Variants in CRNKL1 observed in about 807,000 individuals in gnomAD.
The protein encoded by CRNKL1 is crooked neck-like protein 1.
CRNKL1 carries 35 observed loss-of-function variants against 103.7 expected under a neutral mutation model. That is an observed-to-expected ratio of 0.34 (90% CI 0.26 to 0.45). The LOEUF is 0.45. Ranked by LOEUF, CRNKL1 falls within the 20% of genes least tolerant of loss-of-function variation. The pLI, the probability that CRNKL1 is intolerant of heterozygous loss-of-function variation, is 1.00. For synonymous variants in CRNKL1, 267 were observed against 282.6 expected (o/e 0.94, Z 0.55); for missense variants, 645 against 836.0 (o/e 0.77, Z 2.82).
At position 20,035,168 on chromosome 20, in the gene CRNKL1, G is replaced by T. The variant is rs528716844; in HGVS notation, c.*1027C>A. On this transcript the variant is annotated 3_prime_UTR_variant, in exon 14 of 14. Coordinates refer to ENST00000536226, the MANE Select transcript of CRNKL1 (RefSeq NM_001278628.2). Reference sequence around the variant, plus strand: ...GTAAGTTTAACATGTCAGCAGTGAGGAGTAGACATTTTCTACTATAGCACA... The same window carrying T: ...GTAAGTTTAACATGTCAGCAGTGAGTAGTAGACATTTTCTACTATAGCACA... 6.6e-6 allele frequency: 1 copy of T among 152,284 alleles called. No individual in the cohort carries two copies. Among genetic ancestry groups the T allele is most frequent in the African/African-American group, 2.4e-5 (1 of 41,550 alleles). 9.4% of individuals were successfully genotyped at this position (152,284 alleles called of 1,614,324 possible).
intron 7 of CRNKL1, 45 bp from the exon 8 acceptor site, chr20:20,042,561 C>T (rs137935048): frequency 6.5e-7 from 1 of 1,544,266 alleles, no homozygotes; most frequent in African/African-American, 1.4e-5. Context: ...AAACCAAGAG[C>T]TGCACTTGCC....
At chr20:20,054,014 T>TTTTGTTTTTG (rs1568778934), upstream of CRNKL1, among the ~76,000 whole-genome samples, 5 of 133,104 alleles carry the variant, frequency 3.8e-5, no homozygotes, top group African/African-American at 1.2e-4. Context: ...TTTTTGTTTG[T>TTTTGTTTTTG]TTTTTTTTTT....
upstream of CRNKL1, chr20:20,052,593 TG>T: frequency 6.2e-7 from 1 of 1,613,774 alleles, no homozygotes; most frequent in Non-Finnish European, 8.5e-7. Flanking sequence ...GCGGATGAGG[TG>T]GGTAACGCCG....
At chr20:20,054,013 G>GTTTTTTTTTTTTTTTT (rs1239349657), upstream of CRNKL1, among the ~76,000 whole-genome samples, 10 of 59,032 alleles carry the variant, frequency 1.7e-4, no homozygotes, top group Non-Finnish European at 2.5e-4. Context: ...TTTTTTGTTT[G>GTTTTTTTTTTTTTTTT]TTTTTTTTTT....
Position 20,036,291 on chromosome 20 carries a change from T to C in CRNKL1, c.1968A>G (p.Lys656=). Residue 656 remains lysine, a synonymous_variant, in exon 14 of 14, where the codon AAA becomes AAG. Transcript: ENST00000536226. The stretch of plus-strand genomic sequence containing the variant: ...TCCACAGTTTGGCCATGGCCAGGAG[T>C]TTGAGGTTAGGTTGGTTGGCAGCAT... ...PEDAANQPNL[K]LLAMAKLWKK... is the part of the protein sequence containing the mutation. 1 of 1,614,118 alleles carries C rather than the reference T, an allele frequency of 6.2e-7. No homozygotes were observed. Among genetic ancestry groups the C allele is most frequent in the East Asian group, 2.2e-5 (1 of 44,874 alleles).
In CRNKL1 at chr20:20,037,332, A is replaced by G. The variant is rs2146480856; in HGVS notation, c.1887T>C (p.Thr629=). 6.2e-7 allele frequency: 1 copy of G among 1,613,678 alleles called. No homozygotes were observed. Among genetic ancestry groups the G allele is most frequent in the Non-Finnish European group, 8.5e-7 (1 of 1,179,932 alleles). The change falls in exon 13 of 14, where the codon ACT becomes ACC. Residue 629 remains threonine (T), a synonymous_variant. Transcript: ENST00000536226. The part of the protein sequence containing the change: ...EKVKKRRKVQ[T]DDGSDAGWEE... Reference sequence around the variant, plus strand: ...AGGGCAGAGTTCTTACCCCATCATCAGTCTGGACCTTTCTTCTCTTCTTGA... The same window carrying G: ...AGGGCAGAGTTCTTACCCCATCATCGGTCTGGACCTTTCTTCTCTTCTTGA...
chr20:20,040,264 A>T (rs2043490458), intron 10 of CRNKL1, among the ~76,000 whole-genome samples: 1 of 151,510 alleles, frequency 6.6e-6, no homozygotes, highest in South Asian at 2.1e-4. Flanking sequence ...GTGAGCCAAG[A>T]TCGCGCTACT....
chr20:20,054,013 GTTTTTTTTT>G (rs1239349657), upstream of CRNKL1, among the ~76,000 whole-genome samples: 1 of 59,108 alleles, frequency 1.7e-5, no homozygotes, highest in Non-Finnish European at 3.5e-5. Flanking sequence ...TTTTTTGTTT[GTTTTTTTTT>G]TTTTTTTTTT....
chr20:20,046,098 T>A (rs925669134), intron 5 of CRNKL1, among the ~76,000 whole-genome samples: 1 of 152,148 alleles, frequency 6.6e-6, no homozygotes, highest in African/African-American at 2.4e-5. Flanking sequence ...CTTGAATAAA[T>A]CATTAATTTC....
In CRNKL1 at chr20:20,034,521, A is replaced by AT. The variant is rs1285135405; in HGVS notation, c.*1673dup. On this transcript the variant is annotated 3_prime_UTR_variant, in exon 14 of 14. Transcript: ENST00000536226. ...AATTCTACCTTGGGAACATGACAGA[A>AT]TTTTTTTCTTATGCATTCATGCAAC... 1 of 149,512 alleles carries AT rather than the reference A, an allele frequency of 6.7e-6. No homozygotes were observed. The highest frequency in any genetic ancestry group is 1.5e-5 in the Non-Finnish European group (1 of 66,982). 9.3% of individuals were successfully genotyped at this position (149,512 alleles called of 1,614,324 possible).
chr20:20,053,106 A>G (rs973233103), upstream of CRNKL1, among the ~76,000 whole-genome samples: 14 of 152,326 alleles, frequency 9.2e-5, no homozygotes, highest in African/African-American at 2.4e-4. Context: ...CTTAGCCTCA[A>G]TGTCCTCAAC....
At chr20:20,052,579 A>T (rs2273056), upstream of CRNKL1, 81,112 of 1,613,814 alleles carry the variant, frequency 0.05, 2,381 homozygotes, top group East Asian at 0.12. Flanking sequence ...GGCGTCCTGG[A>T]GCTGCGGATG....
rs75638907 is a variant in CRNKL1 at position 20,034,605 on chromosome 20, T to TTCA, written c.*1587_*1589dup. On this transcript the variant is annotated 3_prime_UTR_variant, in exon 14 of 14. Coordinates refer to ENST00000536226, the MANE Select transcript of CRNKL1 (RefSeq NM_001278628.2). ...GTCACTTGCATTCTGACCTATTATT[T>TTCA]TCATCTCTCCCTGACTCTGGGTGAG... is the stretch of plus-strand genomic sequence containing the variant. 2.0e-5 allele frequency: 3 copies of TTCA among 152,166 alleles called. No homozygotes were observed. The highest frequency in any genetic ancestry group is 6.5e-5 in the Admixed American group (1 of 15,274). The allele number at this position is 152,166 out of a possible 1,614,324, so 9.4% of individuals were successfully genotyped here.
intron 12 of CRNKL1, among the ~76,000 whole-genome samples, chr20:20,038,100 T>C (rs952919643): frequency 4.7e-5 from 7 of 148,688 alleles, no homozygotes; most frequent in Non-Finnish European, 1.0e-4. Flanking sequence ...AAAAAAAAAA[T>C]AGTTTAACTT....
chr20:20,036,029 C>T lies in CRNKL1; in HGVS notation c.*166G>A. On this transcript the variant is annotated 3_prime_UTR_variant, in exon 14 of 14. Transcript: ENST00000536226. ...TAAAAAAGTCCTTTACTTGCAATCC[C>T]TACCCCTAGCTAACCCAAGAGCATT... The T allele has an allele frequency of 4.3e-6, 3 of 703,110 alleles. No homozygotes were observed. Among genetic ancestry groups the T allele is most frequent in the Non-Finnish European group, 6.7e-6 (3 of 449,376 alleles). 43.6% of individuals were successfully genotyped at this position (703,110 alleles called of 1,614,324 possible).
At chr20:20,055,913 A>T, upstream of CRNKL1, 1 of 1,496,466 alleles carries the variant, frequency 6.7e-7, no homozygotes, top group Non-Finnish European at 9.3e-7. Flanking sequence ...AAATTGAGAC[A>T]ATGAGAGAGA....
At chr20:20,055,589 C>T (rs1568784409), upstream of CRNKL1, among the ~76,000 whole-genome samples, 1 of 152,144 alleles carries the variant, frequency 6.6e-6, no homozygotes, top group African/African-American at 2.4e-5. Flanking sequence ...TTTCTTTCTT[C>T]TTTTCTTGTT....
intron 2 of CRNKL1, among the ~76,000 whole-genome samples, chr20:20,049,757 A>G (rs993044402): frequency 4.6e-5 from 7 of 152,146 alleles, no homozygotes; most frequent in South Asian, 2.1e-4. Context: ...AGGTCAAATC[A>G]GATCCCAAAG....
intron 10 of CRNKL1, among the ~76,000 whole-genome samples, chr20:20,040,330 C>CA (rs781058387): frequency 0.11 from 8,378 of 79,254 alleles, 258 homozygotes; most frequent in East Asian, 0.17. Flanking sequence ...ACCAAACAAA[C>CA]AAAAAAAAAA....
Sources: gnomAD v4.1 joint callset for allele counts (sites outside exome capture counted in the v4.1 genomes callset) on GRCh38, gnomAD v4.1.1 for gene constraint, MANE v1.5 for transcripts, NCBI Gene and HGNC (gene_info 2026-07-23, HGNC 2026-07-21) for gene names.